HMBOX1: variants seen among roughly 807,000 people sequenced by gnomAD.
The protein encoded by HMBOX1 is homeobox-containing protein 1.
HMBOX1 carries 14 observed loss-of-function variants against 54.5 expected under a neutral mutation model. The observed-to-expected ratio is 0.26, with a 90% CI of 0.17 to 0.40. The LOEUF (loss-of-function observed/expected upper bound fraction) is 0.40, where lower values mean the gene tolerates loss of function less well. Ranked by LOEUF, HMBOX1 falls within the 10% of genes least tolerant of loss-of-function variation. The pLI is 1.00. For missense variants in HMBOX1, 332 were observed against 514.4 expected, an observed-to-expected ratio of 0.65 and a Z score of 3.43; for synonymous variants, 160 against 181.0, an observed-to-expected ratio of 0.88 and a Z score of 0.93.
At chr8:28,946,499 G>A (rs1238184813) in intron 1 of HMBOX1, among the ~76,000 whole-genome samples, 1 of 151,924 alleles carries the variant, frequency 6.6e-6, no homozygotes, top group Non-Finnish European at 1.5e-5. Flanking sequence ...GAACCCGGGA[G>A]GTGGATGTTG....
chr8:28,957,261 A>G (rs1331626349), intron 1 of HMBOX1, among the ~76,000 whole-genome samples: 5 of 152,350 alleles, frequency 3.3e-5, no homozygotes, highest in East Asian at 3.9e-4. Context: ...CTTTGCAGCA[A>G]TGTGGGTACA....
At chr8:28,920,336 A>G (rs1585795239) in intron 1 of HMBOX1, among the ~76,000 whole-genome samples, 2 of 152,300 alleles carry the variant, frequency 1.3e-5, no homozygotes, top group Admixed American at 6.5e-5. Flanking sequence ...GAATAATACA[A>G]TTGGTCATCC....
chr8:28,900,857 T>C (rs1379658981), intron 1 of HMBOX1, among the ~76,000 whole-genome samples: 1 of 152,162 alleles, frequency 6.6e-6, no homozygotes, highest in Non-Finnish European at 1.5e-5. Flanking sequence ...TTTGCACTCA[T>C]GAATTAATTT....
At chr8:28,996,766 G>A (rs1436350653) in intron 4 of HMBOX1, among the ~76,000 whole-genome samples, 2 of 152,120 alleles carry the variant, frequency 1.3e-5, no homozygotes, top group African/African-American at 2.4e-5. Flanking sequence ...GATCCACTTT[G>A]AGTTACTTTT....
chr8:28,973,616 T>C (rs1827816251), intron 3 of HMBOX1, among the ~76,000 whole-genome samples: 1 of 152,098 alleles, frequency 6.6e-6, no homozygotes. Flanking sequence ...GATAGCCCGT[T>C]GGAAGTGGTA....
intron 4 of HMBOX1, among the ~76,000 whole-genome samples, chr8:29,006,776 G>A (rs1306064496): frequency 1.3e-5 from 2 of 152,108 alleles, no homozygotes; most frequent in Non-Finnish European, 2.9e-5. Flanking sequence ...GTTGTCTAGC[G>A]AGCTCTGAGG....
At chr8:28,940,941 T>G (rs1585958177) in intron 1 of HMBOX1, among the ~76,000 whole-genome samples, 1 of 152,370 alleles carries the variant, frequency 6.6e-6, no homozygotes, top group Non-Finnish European at 1.5e-5. Flanking sequence ...GTTATTGTTA[T>G]TTATTCTATA....
At chr8:28,892,109 TG>T in intron 1 of HMBOX1, among the ~76,000 whole-genome samples, 1 of 152,342 alleles carries the variant, frequency 6.6e-6, no homozygotes, top group East Asian at 1.9e-4. Flanking sequence ...TGTGCTAATA[TG>T]GTTGTGCTTT....
At chr8:28,976,892 A>G (rs1828490814) in intron 3 of HMBOX1, among the ~76,000 whole-genome samples, 1 of 151,698 alleles carries the variant, frequency 6.6e-6, no homozygotes, top group Admixed American at 6.6e-5. Flanking sequence ...TATTTTTGGT[A>G]GAGACGAGGT....
chr8:29,037,482 TAAAGAA>T (rs1444019304), intron 6 of HMBOX1, among the ~76,000 whole-genome samples: 2 of 152,250 alleles, frequency 1.3e-5, no homozygotes, highest in East Asian at 3.9e-4. Context: ...CAGGAAAATA[TAAAGAA>T]AATTAAAATA....
chr8:28,943,809 G>A (rs1053324966), intron 1 of HMBOX1, among the ~76,000 whole-genome samples: 2 of 152,178 alleles, frequency 1.3e-5, no homozygotes, highest in Admixed American at 1.3e-4. Context: ...ACTGAAAGGT[G>A]CATGTCCTGT....
At chr8:28,938,362 A>G (rs1306770465) in intron 1 of HMBOX1, among the ~76,000 whole-genome samples, 3 of 152,260 alleles carry the variant, frequency 2.0e-5, no homozygotes, top group Non-Finnish European at 2.9e-5. Flanking sequence ...TTCTAGAAAT[A>G]AGTGCCACTT....
intron 1 of HMBOX1, among the ~76,000 whole-genome samples, chr8:28,955,556 G>A (rs1824266258): frequency 6.6e-6 from 1 of 152,102 alleles, no homozygotes; most frequent in East Asian, 1.9e-4. Context: ...CAAAGTACTT[G>A]ATAAAACTCT....
rs376151659 is a variant in HMBOX1 at position 28,968,053 on chromosome 8, A to T, written c.24-1990A>T. On this transcript the variant is annotated intron_variant, in intron 2 of 9. Transcript: ENST00000287701. Reference sequence around the variant, plus strand: ...GATTTGAAAGATAAAACAATCAGTGAAATGGAATAGACTATCCAAAGGTAA... The same window carrying T: ...GATTTGAAAGATAAAACAATCAGTGTAATGGAATAGACTATCCAAAGGTAA... Among the ~76,000 whole-genome samples, 5 of 152,364 alleles carry T rather than the reference A, an allele frequency of 3.3e-5. No individual in the cohort carries two copies. In the South Asian group the frequency reaches 6.2e-4, roughly 19 times the overall value.
intron 1 of HMBOX1, among the ~76,000 whole-genome samples, chr8:28,952,141 A>G (rs1296760937): frequency 2.0e-5 from 3 of 149,738 alleles, no homozygotes; most frequent in East Asian, 3.9e-4. Flanking sequence ...CCTGGGTGAC[A>G]GAGTAAGACC....
Position 29,025,331 on chromosome 8 carries a change from C to T in HMBOX1, c.851+6418C>T, listed in dbSNP as rs192827572. ...GGGCAAATCATTCAGCATCTCTGGG[C>T]CCCAGGTGCCACATTTATGAAGAGT... On this transcript the variant is annotated intron_variant, in intron 6 of 9. Coordinates refer to ENST00000287701, the MANE Select transcript of HMBOX1 (RefSeq NM_001135726.3). Among the ~76,000 whole-genome samples the T allele has an allele frequency of 5.3e-5, 8 of 152,220 alleles. 1 individual carries two copies. Among genetic ancestry groups the T allele is most frequent in the Admixed American group, 4.6e-4 (7 of 15,278 alleles).
intron 1 of HMBOX1, among the ~76,000 whole-genome samples, chr8:28,902,521 C>T (rs549375721): frequency 6.6e-6 from 1 of 152,242 alleles, no homozygotes; most frequent in Admixed American, 6.5e-5. Context: ...TAATTTCAGT[C>T]ATCTGAGCTA....
intron 6 of HMBOX1, among the ~76,000 whole-genome samples, chr8:29,043,765 C>G: frequency 6.6e-6 from 1 of 152,096 alleles, no homozygotes. Context: ...CAGAGTTAAT[C>G]CAAAGCATCT....
chr8:28,929,083 T>C (rs1351383237), intron 1 of HMBOX1, among the ~76,000 whole-genome samples: 1 of 152,218 alleles, frequency 6.6e-6, no homozygotes, highest in Non-Finnish European at 1.5e-5. Flanking sequence ...TGTATACATA[T>C]ATCAAAACAT....
Sources: gnomAD v4.1 joint callset for allele counts (sites outside exome capture counted in the v4.1 genomes callset) on GRCh38, gnomAD v4.1.1 for gene constraint, MANE v1.5 for transcripts, NCBI Gene and HGNC (gene_info 2026-07-23, HGNC 2026-07-21) for gene names.